GPLD1: variants seen among roughly 807,000 people sequenced by gnomAD.
GPLD1 encodes the protein glycosylphosphatidylinositol specific phospholipase D1, also known as phosphatidylinositol-glycan-specific phospholipase D.
In GPLD1, 84 loss-of-function variants were observed where a neutral mutation model predicts 112.6. That is an observed-to-expected ratio of 0.75 (90% CI 0.63 to 0.89). The LOEUF is 0.89. GPLD1 is among the 40% of genes least tolerant of loss of function. The probability of loss-of-function intolerance (pLI) is 0.00; values close to 1 mark genes in which losing one functional copy is unlikely to be tolerated. For missense variants in GPLD1, 1,044 were observed against 1,051.5 expected (o/e 0.99, Z 0.10); for synonymous variants, 386 against 403.8 (o/e 0.96, Z 0.53).
At chr6:24,477,456 C>A (rs767688762) in intron 3 of GPLD1, among the ~76,000 whole-genome samples, 1 of 151,956 alleles carries the variant, frequency 6.6e-6, no homozygotes, top group Non-Finnish European at 1.5e-5. Flanking sequence ...CAGTAGTGCA[C>A]GCCTATAATC....
chr6:24,468,549 T>C (rs1009438943), intron 7 of GPLD1, among the ~76,000 whole-genome samples: 13 of 150,866 alleles, frequency 8.6e-5, no homozygotes, highest in African/African-American at 3.1e-4. Context: ...TTTTACTTAT[T>C]TTTTTATTTT....
At chr6:24,461,147 A>G (rs1423516304) in intron 11 of GPLD1, among the ~76,000 whole-genome samples, 1 of 152,164 alleles carries the variant, frequency 6.6e-6, no homozygotes, top group Non-Finnish European at 1.5e-5. Flanking sequence ...TGACTCAGGG[A>G]GCCAGAGAGG....
intron 14 of GPLD1, among the ~76,000 whole-genome samples, chr6:24,452,650 C>G (rs573119014): frequency 4.6e-5 from 7 of 152,082 alleles, no homozygotes; most frequent in Admixed American, 1.3e-4. Flanking sequence ...GCGGTGCATG[C>G]CTGTAGTCCT....
rs1762262825 is a variant in GPLD1 at position 24,427,118 on chromosome 6, G to A, written c.*1914C>T. ...ATCTCACCCGTGGCAGAAGAAAGAG[G>A]TTCTTCCCAATTTAACACAAAATAA... On this transcript the variant is annotated 3_prime_UTR_variant, in exon 25 of 25. Coordinates refer to ENST00000230036, the MANE Select transcript of GPLD1 (RefSeq NM_001503.4). Among the ~76,000 whole-genome samples the A allele has an allele frequency of 6.6e-6, 1 of 152,152 alleles. No homozygotes were observed. The highest frequency in any genetic ancestry group is 6.5e-5 in the Admixed American group (1 of 15,280).
In GPLD1 at chr6:24,447,987, T is replaced by C. The variant is rs1443917618; in HGVS notation, c.1568A>G (p.Asn523Ser). Residue 523 changes from asparagine to serine, a missense_variant, in exon 17 of 25, where the codon AAT becomes AGT. Physicochemically the swap from Asn to Ser is conservative, Grantham distance 46. Transcript: ENST00000230036. ...LGWTLLAADVNGDSEPDLVIG... is the reference protein window; with the variant it reads ...LGWTLLAADVSGDSEPDLVIG... ...GACCAGATCGGGTTCACTGTCTCCA[T>C]TCACATCTGCAGCCAAGAGAGTCCA... 10 of 1,613,634 alleles carry C rather than the reference T, an allele frequency of 6.2e-6. No homozygotes were observed. In the East Asian group the frequency reaches 2.0e-4, roughly 32 times the overall value.
chr6:24,461,217 T>C (rs1463939088), intron 11 of GPLD1, among the ~76,000 whole-genome samples: 1 of 152,118 alleles, frequency 6.6e-6, no homozygotes, highest in Non-Finnish European at 1.5e-5. Context: ...GCCCTGGGCA[T>C]GACACCAACT....
chr6:24,458,065 C>T (rs891297238), intron 12 of GPLD1, among the ~76,000 whole-genome samples: 2 of 151,226 alleles, frequency 1.3e-5, no homozygotes, highest in South Asian at 4.2e-4. Context: ...AAAACACAAA[C>T]GAGAGTGGCC....
chr6:24,426,964 G>T lies in GPLD1; in HGVS notation c.*2068C>A, dbSNP rs866001639. 5.3e-5 allele frequency among the ~76,000 whole-genome samples: 8 copies of T among 152,154 alleles called. No individual in the cohort carries two copies. Among genetic ancestry groups the T allele is most frequent in the South Asian group, 2.1e-4 (1 of 4,820 alleles). On this transcript the variant is annotated 3_prime_UTR_variant, in exon 25 of 25. Transcript: ENST00000230036. The stretch of plus-strand genomic sequence containing the variant: ...GCTCTCTAGGGATGTACCTCTTGAT[G>T]TTCTTGTTAACTTTCCACTCTTCAG...
At chr6:24,446,010 C>T (rs555382519) in intron 18 of GPLD1, among the ~76,000 whole-genome samples, 179 bp from the exon 19 acceptor site, 1 of 152,110 alleles carries the variant, frequency 6.6e-6, no homozygotes, top group South Asian at 2.1e-4. Flanking sequence ...CATCCAGGCT[C>T]TCCAGGTGCC....
Position 24,426,329 on chromosome 6 carries a change from G to C in GPLD1, c.*2703C>G, listed in dbSNP as rs1033637500. 1.3e-5 allele frequency: 2 copies of C among 152,112 alleles called. No individual in the cohort carries two copies. The highest frequency in any genetic ancestry group is 6.5e-5 in the Admixed American group (1 of 15,272). The allele number at this position is 152,112 out of a possible 1,614,324, so 9.4% of individuals were successfully genotyped here. On this transcript the variant is annotated 3_prime_UTR_variant, in exon 25 of 25. Coordinates refer to ENST00000230036, the MANE Select transcript of GPLD1 (RefSeq NM_001503.4). ...GAAAGAAAATTTAATCCATGTATCA[G>C]GATAATATATTAGACTGTCATGCAT...
Position 24,446,819 on chromosome 6 carries a change from C to A in GPLD1, c.1820+19G>T, listed in dbSNP as rs1561835721. 3 of 1,610,158 alleles carry A rather than the reference C, an allele frequency of 1.9e-6. No individual in the cohort carries two copies. Among genetic ancestry groups the A allele is most frequent in the Non-Finnish European group, 2.5e-6 (3 of 1,178,156 alleles). ...CTGCCCCTGTGTTCATGGTTCCCAG[C>A]CCCCAGCATCAGCCTCACCTGCTGG... On this transcript the variant is annotated intron_variant, in intron 18 of 24. Coordinates refer to ENST00000230036, the MANE Select transcript of GPLD1 (RefSeq NM_001503.4).
At chr6:24,434,590 T>A (rs931548436) in intron 22 of GPLD1, among the ~76,000 whole-genome samples, 1 of 151,958 alleles carries the variant, frequency 6.6e-6, no homozygotes, top group East Asian at 2.0e-4. Flanking sequence ...TTAATTTTTT[T>A]ATTTTAAGAC....
At chr6:24,488,526 G>A (rs1014746982) in intron 1 of GPLD1, among the ~76,000 whole-genome samples, 2 of 151,988 alleles carry the variant, frequency 1.3e-5, no homozygotes, top group African/African-American at 2.4e-5. Context: ...TTTTCCATGC[G>A]TTAAAACATG....
chr6:24,438,737 A>C (rs1486923449), intron 20 of GPLD1, among the ~76,000 whole-genome samples: 1 of 152,182 alleles, frequency 6.6e-6, no homozygotes, highest in Non-Finnish European at 1.5e-5. Flanking sequence ...ATTCAGAGTG[A>C]AAGCCCAAAA....
chr6:24,466,939 C>T lies in GPLD1; in HGVS notation c.654G>A (p.Met218Ile), dbSNP rs1308248977. The T allele has an allele frequency of 6.2e-6, 10 of 1,609,766 alleles. No homozygotes were observed. The Admixed American group carries it at 1.2e-4, about 19-fold the overall frequency. ...TGGAAACAGCTAGCATCTCACCATA[C>T]CTGCAAAATAAACAATAATTTTGGC... The part of the protein sequence containing the change: ...VDCSHIQFLE[M>I]YGEMLAVSKL... Residue 218 changes from methionine to isoleucine, a missense_variant and splice_region_variant, in exon 9 of 25, where the codon ATG becomes ATA. Coordinates refer to ENST00000230036, the MANE Select transcript of GPLD1 (RefSeq NM_001503.4).
In GPLD1 at chr6:24,426,909, A is replaced by G. The variant is rs1762255282; in HGVS notation, c.*2123T>C. Among the ~76,000 whole-genome samples, 2 of 152,198 alleles carry G rather than the reference A, an allele frequency of 1.3e-5. No individual in the cohort carries two copies. Among genetic ancestry groups the G allele is most frequent in the East Asian group, 1.9e-4 (1 of 5,202 alleles). ...TAGCACATGTACCTCTTCCAGAAAA[A>G]TGAGGTCATCCTGGGAGTGACCCAG... is the stretch of plus-strand genomic sequence containing the variant. On this transcript the variant is annotated 3_prime_UTR_variant, in exon 25 of 25. Transcript: ENST00000230036.
At chr6:24,446,817 A>C (rs753758861) in intron 18 of GPLD1, 21 bp downstream of exon 18, 25 of 1,610,454 alleles carry the variant, frequency 1.6e-5, no homozygotes, top group Admixed American at 3.4e-5. Flanking sequence ...CATGGTTCCC[A>C]GCCCCCAGCA....
chr6:24,442,531 G>A (rs1762782416), intron 20 of GPLD1, among the ~76,000 whole-genome samples: 1 of 142,424 alleles, frequency 7.0e-6, no homozygotes, highest in Admixed American at 7.7e-5. Flanking sequence ...TGCAAGCTCT[G>A]GCTCCGGGAT....
chr6:24,436,356 C>T (rs1762577940), intron 22 of GPLD1, among the ~76,000 whole-genome samples: 1 of 152,206 alleles, frequency 6.6e-6, no homozygotes, highest in Admixed American at 6.5e-5. Context: ...CAGGGACCTA[C>T]ATAACACCAA....
Sources: gnomAD v4.1 joint callset for allele counts (sites outside exome capture counted in the v4.1 genomes callset) on GRCh38, gnomAD v4.1.1 for gene constraint, MANE v1.5 for transcripts, NCBI Gene and HGNC (gene_info 2026-07-23, HGNC 2026-07-21) for gene names.